CLEC12A: variants seen among roughly 807,000 people sequenced by gnomAD.
CLEC12A encodes the protein C-type lectin protein CLL-1.
In CLEC12A, 22 loss-of-function variants were observed where a neutral mutation model predicts 26.5. That is an observed-to-expected ratio of 0.83 (90% CI 0.59 to 1.19). The LOEUF (loss-of-function observed/expected upper bound fraction) is 1.19, where lower values mean the gene tolerates loss of function less well. CLEC12A is among the 50% of genes most tolerant of loss of function. CLEC12A has a pLI of 0.00. For missense variants in CLEC12A, 353 were observed against 315.6 expected (o/e 1.12, Z -0.90); for synonymous variants, 119 against 101.9 (o/e 1.17, Z -1.01).
the CLEC12A span, among the ~76,000 whole-genome samples, chr12:10,004,535 C>T: frequency 1.6e-4 from 24 of 152,112 alleles, no homozygotes; most frequent in Admixed American, 1.2e-3. Flanking sequence ...CCTCTTCTCT[C>T]CTTCTCTGTC....
the CLEC12A span, among the ~76,000 whole-genome samples, chr12:10,000,809 T>C: frequency 6.6e-6 from 1 of 152,218 alleles, no homozygotes; most frequent in East Asian, 1.9e-4. Flanking sequence ...CTACATCTAC[T>C]CATCAGCAAG....
chr12:9,968,517 G>A (rs1292661662), upstream of CLEC12A, among the ~76,000 whole-genome samples: 4 of 152,198 alleles, frequency 2.6e-5, no homozygotes, highest in Admixed American at 6.5e-5. Flanking sequence ...TGAGCCAGGA[G>A]AAGGAATTTC....
At chr12:9,990,239 T>A (rs1864862102), downstream of CLEC12A, among the ~76,000 whole-genome samples, 1 of 152,150 alleles carries the variant, frequency 6.6e-6, no homozygotes, top group South Asian at 2.1e-4. Flanking sequence ...AGGCTATAAC[T>A]CCCACAGATA....
chr12:9,998,225 C>T (rs1865098252), downstream of CLEC12A: 3 of 1,313,572 alleles, frequency 2.3e-6, 1 homozygote, highest in African/African-American at 4.3e-5. Flanking sequence ...TGGGATATGC[C>T]ATGACCCTTC....
chr12:9,964,654 A>C (rs1350106119), intron 1 of CLEC12A, among the ~76,000 whole-genome samples: 5 of 152,020 alleles, frequency 3.3e-5, no homozygotes, highest in Non-Finnish European at 7.4e-5. Context: ...TGAATAATCT[A>C]TGAGGAGGAG....
chr12:9,998,189 C>T (rs1865097339), downstream of CLEC12A: 2 of 941,842 alleles, frequency 2.1e-6, no homozygotes, highest in Non-Finnish European at 1.7e-6. Flanking sequence ...GATAAACAGA[C>T]AAATAGCGAC....
At chr12:9,991,276 A>G (rs1345899949) in intron 4 of CLEC12A, 1 of 152,170 alleles carries the variant, frequency 6.6e-6, no homozygotes, top group Non-Finnish European at 1.5e-5. Flanking sequence ...CGTTTGTGCT[A>G]TTTTGATTTT....
At chr12:9,955,563 T>G (rs1351729187) in intron 1 of CLEC12A, among the ~76,000 whole-genome samples, 2 of 152,234 alleles carry the variant, frequency 1.3e-5, no homozygotes, top group Non-Finnish European at 2.9e-5. Context: ...TTGTGTAATT[T>G]AATATCTTGA....
At chr12:9,960,908 G>T (rs1863817352) in intron 1 of CLEC12A, among the ~76,000 whole-genome samples, 1 of 152,036 alleles carries the variant, frequency 6.6e-6, no homozygotes, top group East Asian at 1.9e-4. Flanking sequence ...TTTTTCCCCT[G>T]TCCACGTAGC....
At chr12:9,955,541 T>C (rs998109252) in intron 1 of CLEC12A, among the ~76,000 whole-genome samples, 22 of 152,244 alleles carry the variant, frequency 1.4e-4, no homozygotes, top group Admixed American at 1.3e-4. Flanking sequence ...ATAAATGCTC[T>C]AAGTGAACTT....
upstream of CLEC12A, chr12:9,951,311 G>A (rs1427563348): frequency 1.1e-5 from 8 of 702,788 alleles, no homozygotes; most frequent in African/African-American, 5.2e-5. Flanking sequence ...ATTTCTGATT[G>A]CCTAGGAAGA....
chr12:9,975,060 A>G (rs1213928014), intron 1 of CLEC12A, among the ~76,000 whole-genome samples: 1 of 152,164 alleles, frequency 6.6e-6, no homozygotes, highest in Non-Finnish European at 1.5e-5. Context: ...ACCTTCCACC[A>G]TGAGTGTGAG....
chr12:9,953,042 G>A (rs1435846058), intron 1 of CLEC12A: 3 of 139,524 alleles, frequency 2.2e-5, no homozygotes, highest in Non-Finnish European at 4.5e-5. Flanking sequence ...TGGGAAGTGA[G>A]GAGCGTCTCC....
chr12:9,978,421 A>G (rs1864423814), intron 1 of CLEC12A, among the ~76,000 whole-genome samples: 1 of 82,340 alleles, frequency 1.2e-5, no homozygotes, highest in Non-Finnish European at 2.6e-5. Flanking sequence ...GGACTGATTA[A>G]GATCAAAAGC....
At chr12:9,953,646 C>G (rs1332961694) in intron 1 of CLEC12A, among the ~76,000 whole-genome samples, 3 of 151,084 alleles carry the variant, frequency 2.0e-5, no homozygotes, top group African/African-American at 7.3e-5. Context: ...GCGCCTCTGC[C>G]CGGCCGCCCC....
chr12:9,975,418 A>G (rs1038922403), intron 1 of CLEC12A, among the ~76,000 whole-genome samples: 2 of 151,904 alleles, frequency 1.3e-5, no homozygotes, highest in African/African-American at 4.8e-5. Flanking sequence ...AGCAAAGGTG[A>G]CTCTTGTTAT....
intron 1 of CLEC12A, among the ~76,000 whole-genome samples, chr12:9,957,750 T>C (rs1437081534): frequency 3.3e-5 from 5 of 152,240 alleles, no homozygotes; most frequent in Non-Finnish European, 7.3e-5. Flanking sequence ...CTTTGTCCCA[T>C]ACCTGTGAAG....
chr12:9,954,673 G>A (rs1346493666), intron 1 of CLEC12A, among the ~76,000 whole-genome samples: 1 of 152,224 alleles, frequency 6.6e-6, no homozygotes, highest in East Asian at 1.9e-4. Flanking sequence ...GGATCTTTGT[G>A]TGTATGTAGG....
At chr12:9,998,488 A>G, downstream of CLEC12A, 1 of 722,358 alleles carries the variant, frequency 1.4e-6, no homozygotes, top group South Asian at 1.5e-5. Flanking sequence ...CAAGTAATAG[A>G]AAGAGCTTTG....
Sources: allele counts gnomAD v4.1 joint callset (sites outside exome capture counted in the v4.1 genomes callset), GRCh38; gene constraint gnomAD v4.1.1; transcripts MANE v1.5; gene names NCBI Gene and HGNC (gene_info 2026-07-23, HGNC 2026-07-21).